Variants in AADACL4 observed in about 807,000 individuals in gnomAD.
AADACL4 encodes the protein arylacetamide deacetylase-like 4.
Under a neutral mutation model 14.1 loss-of-function variants are expected in AADACL4, and 9 were observed. The ratio of observed to expected loss-of-function variants is 0.64; its 90% CI spans 0.39 to 1.12. AADACL4 has a LOEUF of 1.12. Ranked by LOEUF, AADACL4 falls within the 50% of genes most tolerant of loss-of-function variation. The probability of loss-of-function intolerance (pLI) is 0.01; values close to 1 mark genes in which losing one functional copy is unlikely to be tolerated. For missense variants in AADACL4, 531 were observed against 516.1 expected, an observed-to-expected ratio of 1.03 and a Z score of -0.28; for synonymous variants, 188 against 201.6, an observed-to-expected ratio of 0.93 and a Z score of 0.57.
intron 3 of AADACL4, among the ~76,000 whole-genome samples, chr1:12,664,650 G>T (rs745549208): frequency 6.6e-6 from 1 of 152,114 alleles, no homozygotes; most frequent in Non-Finnish European, 1.5e-5. Flanking sequence ...GTAAGCCACC[G>T]CCCGGCCTTG....
At chr1:12,663,155 G>A (rs570423929) in intron 3 of AADACL4, among the ~76,000 whole-genome samples, 2 of 152,238 alleles carry the variant, frequency 1.3e-5, no homozygotes, top group Admixed American at 6.5e-5. Context: ...TCTAAGGCCT[G>A]GATGGGACTC....
intron 3 of AADACL4, among the ~76,000 whole-genome samples, chr1:12,664,197 T>C (rs1227256424): frequency 6.6e-6 from 1 of 152,178 alleles, no homozygotes; most frequent in Non-Finnish European, 1.5e-5. Flanking sequence ...TTTTATACAA[T>C]GGGGCTCTCA....
rs2100773777 is a variant in AADACL4, at chr1:12,666,907, A to C, written c.*172A>C. 1.6e-6 allele frequency: 1 copy of C among 619,478 alleles called. No individual in the cohort carries two copies. The highest frequency in any genetic ancestry group is 2.6e-6 in the Non-Finnish European group (1 of 381,044). The allele number at this position is 619,478 out of a possible 1,614,324, so 38.4% of individuals were successfully genotyped here. A position where few individuals can be genotyped will look rare whatever the true frequency, so the allele number is the denominator to read the frequency against. On this transcript the variant is annotated 3_prime_UTR_variant, in exon 4 of 4. Transcript: ENST00000376221. ...TTGCTTAGTATTCAAGAAAATCCAA[A>C]CTGTGTCTGTTTCCTTCCAGCACTA...
At chr1:12,644,819 C>T (rs760423233) in intron 1 of AADACL4, 105 bp downstream of exon 1, 38 of 1,263,044 alleles carry the variant, frequency 3.0e-5, no homozygotes, top group Non-Finnish European at 4.1e-5. Context: ...TCTCTCTCTT[C>T]GGACTCCCTC....
At chr1:12,656,858 A>T (rs956967313) in intron 2 of AADACL4, among the ~76,000 whole-genome samples, 35 of 152,210 alleles carry the variant, frequency 2.3e-4, no homozygotes, top group Non-Finnish European at 2.5e-4. Flanking sequence ...ACTCAGTGTA[A>T]GGCTGGGCAT....
Position 12,651,146 on chromosome 1 carries a change from A to G in AADACL4, c.192A>G (p.Gly64=), listed in dbSNP as rs770177277. 6.8e-6 allele frequency: 11 copies of G among 1,614,084 alleles called. No individual in the cohort carries two copies. The highest frequency in any genetic ancestry group is 9.3e-6 in the Non-Finnish European group (11 of 1,180,040). Residue 64 remains glycine, a synonymous_variant, in exon 2 of 4, where the codon GGA becomes GGG. Coordinates refer to ENST00000376221, the MANE Select transcript of AADACL4 (RefSeq NM_001013630.2). Reference sequence around the variant, plus strand: ...AGGGGAATATATTTGAGAAGCTGGGAATTTGCTCCATGCCCAAATTTATTC... The same window carrying G: ...AGGGGAATATATTTGAGAAGCTGGGGATTTGCTCCATGCCCAAATTTATTC... ...VTLGNIFEKL[G]ICSMPKFIRF...
intron 3 of AADACL4, among the ~76,000 whole-genome samples, chr1:12,664,000 G>T (rs929446036): frequency 1.3e-5 from 2 of 152,190 alleles, no homozygotes; most frequent in African/African-American, 4.8e-5. Context: ...GAAAGATGAG[G>T]TGTTAACTTT....
At chr1:12,662,933 A>ATT (rs1351656398) in intron 3 of AADACL4, among the ~76,000 whole-genome samples, 8 of 152,236 alleles carry the variant, frequency 5.3e-5, no homozygotes, top group African/African-American at 1.9e-4. Flanking sequence ...AACAGGTAGC[A>ATT]CATAAAGGTA....
In AADACL4 at chr1:12,666,649, A is replaced by C. The variant is rs759631861; in HGVS notation, c.1138A>C (p.Ile380Leu). The change falls in exon 4 of 4, where the codon ATT (isoleucine) becomes CTT (leucine). Residue 380 changes from isoleucine (I) to leucine (L), a missense_variant. Coordinates refer to ENST00000376221, the MANE Select transcript of AADACL4 (RefSeq NM_001013630.2). ...YHLYDGFHGS[I>L]IFFDKKALSF... ...CCTGTATGATGGTTTTCACGGATCC[A>C]TTATCTTTTTTGATAAGAAGGCTCT... is the stretch of plus-strand genomic sequence containing the variant. 1 of 1,614,160 alleles carries C rather than the reference A, an allele frequency of 6.2e-7. No individual in the cohort carries two copies. Among genetic ancestry groups the C allele is most frequent in the Admixed American group, 1.7e-5 (1 of 60,024 alleles).
chr1:12,645,207 C>T (rs1647103456), intron 1 of AADACL4, among the ~76,000 whole-genome samples: 1 of 139,454 alleles, frequency 7.2e-6, no homozygotes, highest in Non-Finnish European at 1.6e-5. Flanking sequence ...TTTCTTCTTT[C>T]CCTTCTTCCT....
intron 2 of AADACL4, among the ~76,000 whole-genome samples, chr1:12,658,139 C>CTTTCTTTCTTTTTTT (rs1647196704): frequency 1.2e-5 from 1 of 84,858 alleles, no homozygotes; most frequent in African/African-American, 7.0e-5. Context: ...TTCCTTCCTT[C>CTTTCTTTCTTTTTTT]CTTTCTTTCT....
rs543015760 is a variant in AADACL4 at position 12,656,010 on chromosome 1, T to C, written c.385+4671T>C. On this transcript the variant is annotated intron_variant, in intron 2 of 3. Coordinates refer to ENST00000376221, the MANE Select transcript of AADACL4 (RefSeq NM_001013630.2). ...CCATTGCACCCTATTTTCCAACTTA[T>C]ATTGGGGCCAAATGGTGTTATAGAA... Among the ~76,000 whole-genome samples, 27 of 152,318 alleles carry C rather than the reference T, an allele frequency of 1.8e-4. No homozygotes were observed. The South Asian group carries it at 5.4e-3, about 30-fold the overall frequency.
chr1:12,661,898 G>A (rs750222347), intron 3 of AADACL4, 44 bp downstream of exon 3: 3 of 1,593,342 alleles, frequency 1.9e-6, no homozygotes, highest in East Asian at 4.5e-5. Context: ...GGGGTGAGAG[G>A]AGATAGGGTA....
At position 12,666,174 on chromosome 1, in the gene AADACL4, T is replaced by C. The variant is rs146186168; in HGVS notation, c.663T>C (p.Ile221=). The part of the protein sequence containing the change: ...DLPRIRAQVL[I]YPVVQAFCLQ... Reference sequence around the variant, plus strand: ...CCCGGATCCGGGCTCAGGTTCTGATTTATCCAGTTGTCCAGGCATTCTGTT... The same window carrying C: ...CCCGGATCCGGGCTCAGGTTCTGATCTATCCAGTTGTCCAGGCATTCTGTT... Residue 221 remains isoleucine (I), a synonymous_variant, in exon 4 of 4, where the codon ATT becomes ATC. Transcript: ENST00000376221. The C allele has an allele frequency of 7.7e-5, 124 of 1,614,126 alleles. No individual in the cohort carries two copies. In the Middle Eastern group the frequency reaches 2.3e-3, roughly 30 times the overall value.
chr1:12,656,254 C>T (rs890282604), intron 2 of AADACL4, among the ~76,000 whole-genome samples: 2 of 152,156 alleles, frequency 1.3e-5, no homozygotes, highest in Admixed American at 6.6e-5. Context: ...AGCTCCATGT[C>T]CACACCAGGG....
At chr1:12,662,351 G>A (rs1047049442) in intron 3 of AADACL4, among the ~76,000 whole-genome samples, 1 of 152,206 alleles carries the variant, frequency 6.6e-6, no homozygotes, top group Non-Finnish European at 1.5e-5. Flanking sequence ...CATTCATTAA[G>A]TTGGAGGAGA....
chr1:12,662,538 A>G (rs961923803), intron 3 of AADACL4, among the ~76,000 whole-genome samples: 3 of 152,204 alleles, frequency 2.0e-5, no homozygotes, highest in African/African-American at 7.2e-5. Context: ...TAAAAACAAA[A>G]GGGAGATGGA....
Position 12,666,017 on chromosome 1 carries a change from C to T in AADACL4, c.506C>T (p.Ala169Val). Reference sequence around the variant, plus strand: ...GCCCTTTTCCAAGACTGCATGAATGCCTCCATTCACTTCCTGAAGGCCCTG... The same window carrying T: ...GCCCTTTTCCAAGACTGCATGAATGTCTCCATTCACTTCCTGAAGGCCCTG... ...SPALFQDCMNASIHFLKALET... is the reference protein window; with the variant it reads ...SPALFQDCMNVSIHFLKALET... Residue 169 changes from alanine (A) to valine (V), a missense_variant, in exon 4 of 4, where the codon GCC becomes GTC. Transcript: ENST00000376221. 6.2e-7 allele frequency: 1 copy of T among 1,614,150 alleles called. No individual in the cohort carries two copies. The highest frequency in any genetic ancestry group is 8.5e-7 in the Non-Finnish European group (1 of 1,180,012).
chr1:12,658,104 T>TTTCCTTCC (rs1223787802), intron 2 of AADACL4, among the ~76,000 whole-genome samples: 9 of 90,464 alleles, frequency 9.9e-5, no homozygotes, highest in African/African-American at 5.0e-4. Context: ...TCTTTCTCTC[T>TTTCCTTCC]TTCTTTCCTT....
Sources: allele counts gnomAD v4.1 joint callset (sites outside exome capture counted in the v4.1 genomes callset), GRCh38; gene constraint gnomAD v4.1.1; transcripts MANE v1.5; gene names NCBI Gene and HGNC (gene_info 2026-07-23, HGNC 2026-07-21).